TLE4: variants seen among roughly 807,000 people sequenced by gnomAD.
TLE4 encodes the protein transducin-like enhancer protein 4.
In TLE4, 8 loss-of-function variants were observed where a neutral mutation model predicts 92.8. That is an observed-to-expected ratio of 0.09 (90% CI 0.05 to 0.16). TLE4 has a LOEUF of 0.16. Among genes scored for constraint, TLE4 ranks in the 10% least tolerant of loss-of-function variants. The pLI is 1.00. For missense variants in TLE4, 675 were observed against 997.6 expected (o/e 0.68, Z 4.36); for synonymous variants, 371 against 374.1 (o/e 0.99, Z 0.10).
At chr9:79,588,135 C>CGTGTGTGT (rs71364418) in intron 4 of TLE4, among the ~76,000 whole-genome samples, 16,404 of 146,724 alleles carry the variant, frequency 0.11, 1,050 homozygotes, top group African/African-American at 0.17. Flanking sequence ...TTTATCCTTG[C>CGTGTGTGT]GTGTGTGTGT....
intron 8 of TLE4, among the ~76,000 whole-genome samples, chr9:79,688,212 T>C (rs1277989455): frequency 6.6e-6 from 1 of 152,206 alleles, no homozygotes; most frequent in African/African-American, 2.4e-5. Flanking sequence ...TCTTATTTTA[T>C]AGCTTGGCCT....
At chr9:79,606,978 T>A (rs1241261875) in intron 4 of TLE4, among the ~76,000 whole-genome samples, 1 of 152,164 alleles carries the variant, frequency 6.6e-6, no homozygotes, top group Non-Finnish European at 1.5e-5. Context: ...GTTGAACTAA[T>A]TTACACTCCC....
chr9:79,722,879 G>T (rs2075861022), intron 18 of TLE4, 80 bp from the exon 19 acceptor site: 1 of 1,307,504 alleles, frequency 7.6e-7, no homozygotes. Flanking sequence ...TCTGTTAATA[G>T]TTTGGTGTTC....
At chr9:79,683,821 C>T (rs778895714) in intron 8 of TLE4, among the ~76,000 whole-genome samples, 1 of 152,162 alleles carries the variant, frequency 6.6e-6, no homozygotes, top group Admixed American at 6.5e-5. Context: ...TCTGTTTGCT[C>T]ATTAACATGG....
At chr9:79,631,654 G>GTGTGTGTT (rs2054266461) in intron 6 of TLE4, among the ~76,000 whole-genome samples, 1 of 149,012 alleles carries the variant, frequency 6.7e-6, no homozygotes, top group African/African-American at 2.6e-5. Context: ...GTGTGTGTGT[G>GTGTGTGTT]TGTGTGTGTT....
chr9:79,632,002 C>A (rs1457157778), intron 6 of TLE4, among the ~76,000 whole-genome samples: 3 of 152,036 alleles, frequency 2.0e-5, no homozygotes, highest in African/African-American at 4.8e-5. Context: ...CAAAAGTATT[C>A]TTCCTGGGCC....
At chr9:79,681,858 G>GTA (rs1223588414) in intron 8 of TLE4, among the ~76,000 whole-genome samples, 3 of 143,438 alleles carry the variant, frequency 2.1e-5, no homozygotes, top group Non-Finnish European at 3.0e-5. Context: ...GTGTGTGTGT[G>GTA]TGTGTATGTG....
chr9:79,698,257 A>G (rs755889095), intron 8 of TLE4, among the ~76,000 whole-genome samples: 7 of 152,202 alleles, frequency 4.6e-5, no homozygotes, highest in Admixed American at 1.3e-4. Context: ...TAACCATTGT[A>G]GACACTGCCT....
At chr9:79,693,382 C>T (rs1164628951) in intron 8 of TLE4, among the ~76,000 whole-genome samples, 1 of 152,156 alleles carries the variant, frequency 6.6e-6, no homozygotes, top group Non-Finnish European at 1.5e-5. Flanking sequence ...GGAGGAAGGT[C>T]AGTGGGTATC....
intron 4 of TLE4, among the ~76,000 whole-genome samples, chr9:79,583,856 G>A (rs1483497706): frequency 6.6e-6 from 1 of 152,130 alleles, no homozygotes; most frequent in Non-Finnish European, 1.5e-5. Context: ...TGTTCCTTAT[G>A]TTCTGTGAAG....
intron 8 of TLE4, among the ~76,000 whole-genome samples, chr9:79,703,059 A>G (rs935336714): frequency 7.0e-6 from 1 of 142,158 alleles, no homozygotes; most frequent in Admixed American, 7.0e-5. Context: ...AAGATAAAGC[A>G]AAAAAAAAAA....
chr9:79,611,447 A>G (rs546908784), intron 4 of TLE4, among the ~76,000 whole-genome samples: 1 of 152,212 alleles, frequency 6.6e-6, no homozygotes, highest in Admixed American at 6.5e-5. Flanking sequence ...AAAAGATTGC[A>G]TAGCTACACA....
chr9:79,602,664 C>T (rs1249284238), intron 4 of TLE4, among the ~76,000 whole-genome samples: 3 of 152,168 alleles, frequency 2.0e-5, no homozygotes, highest in Non-Finnish European at 4.4e-5. Context: ...TGTACCTAGT[C>T]ACCCAAGAGC....
intron 8 of TLE4, among the ~76,000 whole-genome samples, chr9:79,702,776 C>G (rs1052966190): frequency 2.0e-5 from 3 of 152,190 alleles, no homozygotes; most frequent in African/African-American, 4.8e-5. Flanking sequence ...GGTCCCATCT[C>G]TCTCCCCCAC....
In TLE4 at chr9:79,574,954, CA is replaced by C; in HGVS notation, c.207+19del. 1 of 1,609,852 alleles carries C rather than the reference CA, an allele frequency of 6.2e-7. No individual in the cohort carries two copies. The highest frequency in any genetic ancestry group is 8.5e-7 in the Non-Finnish European group (1 of 1,176,454). ...ATGTCATGGTAAGAAAACCATGTCA[CA>C]GATTCAAAGTGCCTATTAGTTTGGA... On this transcript the variant is annotated intron_variant, in intron 3 of 19. Transcript: ENST00000376552.
At chr9:79,700,053 A>G (rs1187100963) in intron 8 of TLE4, among the ~76,000 whole-genome samples, 6 of 152,242 alleles carry the variant, frequency 3.9e-5, no homozygotes, top group Non-Finnish European at 7.3e-5. Flanking sequence ...GGAGTCCAGT[A>G]TACAGTGATA....
chr9:79,575,448 A>T (rs1175399726), intron 3 of TLE4, among the ~76,000 whole-genome samples: 1 of 152,168 alleles, frequency 6.6e-6, no homozygotes, highest in Non-Finnish European at 1.5e-5. Context: ...TTACTATTAC[A>T]TTAATATTTG....
chr9:79,699,342 ACT>A (rs1396128748), intron 8 of TLE4, among the ~76,000 whole-genome samples: 2 of 152,078 alleles, frequency 1.3e-5, no homozygotes, highest in Non-Finnish European at 1.5e-5. Context: ...CCAAAAACAA[ACT>A]CAACTTGAAT....
chr9:79,674,319 AAGTGAGACAC>A (rs11277657), intron 8 of TLE4, among the ~76,000 whole-genome samples: 25,620 of 152,026 alleles, frequency 0.17, 2,482 homozygotes, highest in African/African-American at 0.26. Context: ...CAGATGAGGA[AAGTGAGACAC>A]AGTGAGACTA....
Sources: gnomAD v4.1 joint callset for allele counts (sites outside exome capture counted in the v4.1 genomes callset) on GRCh38, gnomAD v4.1.1 for gene constraint, MANE v1.5 for transcripts, NCBI Gene and HGNC (gene_info 2026-07-23, HGNC 2026-07-21) for gene names.